EFCAB11: variants seen among roughly 807,000 people sequenced by gnomAD.
The protein encoded by EFCAB11 is EF-hand calcium binding domain 11.
EFCAB11 carries 14 observed loss-of-function variants against 23.0 expected under a neutral mutation model. The observed-to-expected ratio is 0.61, with a 90% CI of 0.40 to 0.95. EFCAB11 has a LOEUF of 0.95. Among genes scored for constraint, EFCAB11 ranks in the 40% least tolerant of loss-of-function variants. EFCAB11 has a pLI of 0.00. For missense variants in EFCAB11, 198 were observed against 195.8 expected (o/e 1.01, Z -0.07); for synonymous variants, 65 against 66.6 (o/e 0.98, Z 0.11).
chr14:89,921,102 T>C (rs1360977554), intron 5 of EFCAB11, among the ~76,000 whole-genome samples: 1 of 146,790 alleles, frequency 6.8e-6, no homozygotes, highest in Admixed American at 6.7e-5. Context: ...AAAGAAAGGC[T>C]ACATAGAAGA....
rs1024897529 is a variant in EFCAB11 at position 89,892,197 on chromosome 14, G to A, written c.410+39344C>T. ...CACAAGAGTGACCTGCAGAGCACCC[G>A]CTGTGTCTCAGCCCAGGAGGCCGAG... On this transcript the variant is annotated intron_variant, in intron 5 of 5. Transcript: ENST00000316738. The A allele has an allele frequency of 7.5e-5, 120 of 1,590,440 alleles. 1 individual carries two copies. The African/African-American group carries it at 1.2e-3, about 16-fold the overall frequency.
At chr14:89,912,894 T>C (rs10139734) in intron 5 of EFCAB11, among the ~76,000 whole-genome samples, 2,751 of 152,344 alleles carry the variant, frequency 0.018, 102 homozygotes, top group African/African-American at 0.062. Flanking sequence ...TACACGTCTA[T>C]AAATCAAACT....
At chr14:89,898,001 C>A (rs1407738941) in intron 5 of EFCAB11, among the ~76,000 whole-genome samples, 8 of 152,136 alleles carry the variant, frequency 5.3e-5, no homozygotes, top group Non-Finnish European at 1.0e-4. Flanking sequence ...AAGCTAAAAG[C>A]ACTGAAACCT....
intron 5 of EFCAB11, among the ~76,000 whole-genome samples, chr14:89,834,257 T>G (rs898880167): frequency 1.3e-4 from 19 of 151,066 alleles, no homozygotes; most frequent in Non-Finnish European, 2.5e-4. Flanking sequence ...GTGCCTGTAA[T>G]CCCAGCTACT....
At chr14:89,911,884 A>G (rs908410570) in intron 5 of EFCAB11, among the ~76,000 whole-genome samples, 1 of 152,236 alleles carries the variant, frequency 6.6e-6, no homozygotes, top group African/African-American at 2.4e-5. Flanking sequence ...TGCCAGGCAC[A>G]GGGCTGAGCA....
intron 3 of EFCAB11, among the ~76,000 whole-genome samples, chr14:89,934,099 T>A (rs565252233): frequency 1.3e-5 from 2 of 152,284 alleles, no homozygotes; most frequent in East Asian, 3.9e-4. Flanking sequence ...TCACAGGCTC[T>A]TGTGGGCCAC....
At chr14:89,820,805 G>A (rs1886491478) in intron 5 of EFCAB11, among the ~76,000 whole-genome samples, 1 of 152,014 alleles carries the variant, frequency 6.6e-6, no homozygotes, top group Non-Finnish European at 1.5e-5. Flanking sequence ...ACCTTGGCTA[G>A]GCTATGATGC....
At chr14:89,840,622 C>CT (rs1566779693) in intron 5 of EFCAB11, among the ~76,000 whole-genome samples, 1 of 152,066 alleles carries the variant, frequency 6.6e-6, no homozygotes, top group African/African-American at 2.4e-5. Flanking sequence ...CATTCATCTG[C>CT]TTTTTTTCAA....
intron 5 of EFCAB11, among the ~76,000 whole-genome samples, chr14:89,818,750 G>T (rs1478821430): frequency 6.6e-6 from 1 of 152,188 alleles, no homozygotes; most frequent in East Asian, 1.9e-4. Context: ...AAGAAGATAT[G>T]ATGGAAAATA....
intron 5 of EFCAB11, among the ~76,000 whole-genome samples, chr14:89,806,690 T>C (rs1885981628): frequency 6.6e-6 from 1 of 152,126 alleles, no homozygotes; most frequent in East Asian, 1.9e-4. Context: ...AGGAGCGAGC[T>C]CTCTGCTCAG....
chr14:89,952,577 G>A (rs1891210438), intron 2 of EFCAB11: 1 of 985,470 alleles, frequency 1.0e-6, no homozygotes, highest in East Asian at 1.1e-4. Context: ...TCATAGCTGA[G>A]CCACTCTGAA....
At chr14:89,863,458 C>T (rs1887991447) in intron 5 of EFCAB11, among the ~76,000 whole-genome samples, 1 of 152,252 alleles carries the variant, frequency 6.6e-6, no homozygotes, top group African/African-American at 2.4e-5. Flanking sequence ...ATCTGAGCCT[C>T]TCCCATCCTC....
chr14:89,949,382 G>C (rs530266170), intron 3 of EFCAB11, among the ~76,000 whole-genome samples: 1 of 151,970 alleles, frequency 6.6e-6, no homozygotes, highest in Admixed American at 6.6e-5. Flanking sequence ...TATTTATTTG[G>C]AGACAGAGTT....
chr14:89,867,563 C>T (rs1888132410), intron 5 of EFCAB11, among the ~76,000 whole-genome samples: 1 of 152,160 alleles, frequency 6.6e-6, no homozygotes, highest in Non-Finnish European at 1.5e-5. Context: ...ACGCAACTGC[C>T]CTTGCATGGT....
At chr14:89,901,468 C>A (rs1408264716) in intron 5 of EFCAB11, among the ~76,000 whole-genome samples, 1 of 152,010 alleles carries the variant, frequency 6.6e-6, no homozygotes. Flanking sequence ...GTAAAATGGC[C>A]CAAGTGGACT....
chr14:89,851,050 A>G (rs1419746501), intron 5 of EFCAB11, among the ~76,000 whole-genome samples: 1 of 152,146 alleles, frequency 6.6e-6, no homozygotes, highest in Non-Finnish European at 1.5e-5. Flanking sequence ...ATCTACCTTT[A>G]GTTATATTAT....
At chr14:89,884,194 C>G (rs1019937353) in intron 5 of EFCAB11, among the ~76,000 whole-genome samples, 1 of 152,068 alleles carries the variant, frequency 6.6e-6, no homozygotes, top group Admixed American at 6.6e-5. Flanking sequence ...AATTGTATAT[C>G]CTCTAAGCCT....
intron 5 of EFCAB11, among the ~76,000 whole-genome samples, chr14:89,876,246 G>A (rs73320720): frequency 0.037 from 5,683 of 152,234 alleles, 193 homozygotes; most frequent in African/African-American, 0.087. Context: ...CAGTGGTGGT[G>A]GTGGTCGAGG....
intron 5 of EFCAB11, among the ~76,000 whole-genome samples, chr14:89,845,378 T>G (rs1887399110): frequency 6.6e-6 from 1 of 152,230 alleles, no homozygotes; most frequent in Non-Finnish European, 1.5e-5. Flanking sequence ...GTCTTAAAAT[T>G]AAGTTACTCA....
Sources: allele counts gnomAD v4.1 joint callset (sites outside exome capture counted in the v4.1 genomes callset), GRCh38; gene constraint gnomAD v4.1.1; transcripts MANE v1.5; gene names NCBI Gene and HGNC (gene_info 2026-07-23, HGNC 2026-07-21).